CDKN3: variants seen among roughly 807,000 people sequenced by gnomAD.
CDKN3 encodes the protein cyclin dependent kinase inhibitor 3, also known as cyclin-dependent kinase inhibitor 3.
Under a neutral mutation model 36.1 loss-of-function variants are expected in CDKN3, and 19 were observed. The ratio of observed to expected loss-of-function variants is 0.53; its 90% CI spans 0.37 to 0.77. The LOEUF (loss-of-function observed/expected upper bound fraction) is 0.77, where lower values mean the gene tolerates loss of function less well. CDKN3 is among the 30% of genes least tolerant of loss of function. The pLI is 0.00. For synonymous variants in CDKN3, 71 were observed against 85.3 expected, an observed-to-expected ratio of 0.83 and a Z score of 0.92; for missense variants, 188 against 248.6, an observed-to-expected ratio of 0.76 and a Z score of 1.64.
At chr14:54,407,363 C>T (rs2030197279) in intron 3 of CDKN3, among the ~76,000 whole-genome samples, 1 of 152,236 alleles carries the variant, frequency 6.6e-6, no homozygotes, top group Non-Finnish European at 1.5e-5. Context: ...CTTAGCAAAG[C>T]TCGAGCACTG....
intron 3 of CDKN3, among the ~76,000 whole-genome samples, chr14:54,407,304 C>T (rs1049840411): frequency 6.6e-6 from 1 of 152,204 alleles, no homozygotes; most frequent in African/African-American, 2.4e-5. Flanking sequence ...GGTGTCTCCC[C>T]GTTAGGAGGC....
At chr14:54,419,021 G>A (rs1370524893) in intron 7 of CDKN3, among the ~76,000 whole-genome samples, 1 of 152,000 alleles carries the variant, frequency 6.6e-6, no homozygotes, top group Non-Finnish European at 1.5e-5. Flanking sequence ...TAGCCAGGGT[G>A]GTTATGTGTG....
At position 54,397,064 on chromosome 14, in the gene CDKN3, C is replaced by A; in HGVS notation, c.-5C>A. ...GGCACTGGTCTCGACGTGGGGCGGC[C>A]AGCGATGAAGCCGGTGAGTCGGACG... On this transcript the variant is annotated 5_prime_UTR_variant, in exon 1 of 8. Transcript: ENST00000335183. 1 of 1,500,264 alleles carries A rather than the reference C, an allele frequency of 6.7e-7. No individual in the cohort carries two copies. Among genetic ancestry groups the A allele is most frequent in the Admixed American group, 2.2e-5 (1 of 44,578 alleles). 92.9% of individuals were successfully genotyped at this position (1,500,264 alleles called of 1,614,324 possible).
chr14:54,405,077 ACTT>A (rs763637360), intron 3 of CDKN3, among the ~76,000 whole-genome samples: 7 of 152,000 alleles, frequency 4.6e-5, no homozygotes, highest in Non-Finnish European at 8.8e-5. Flanking sequence ...GTTTCAAATA[ACTT>A]CTTTTTTTCT....
intron 3 of CDKN3, among the ~76,000 whole-genome samples, chr14:54,404,663 C>T (rs997810518): frequency 1.3e-5 from 2 of 152,120 alleles, no homozygotes; most frequent in African/African-American, 4.8e-5. Flanking sequence ...CAAGCTCTGC[C>T]TCCCGGGTTC....
chr14:54,413,369 T>C (rs2030424828), intron 5 of CDKN3, among the ~76,000 whole-genome samples: 1 of 151,830 alleles, frequency 6.6e-6, no homozygotes, highest in Non-Finnish European at 1.5e-5. Context: ...TTTTTTTTTT[T>C]CAAATAAATT....
At position 54,408,796 on chromosome 14, in the gene CDKN3, A is replaced by G. The variant is rs2179896; in HGVS notation, c.193+7A>G. ...AATGTCCAAAAAGATACAGGTAGGT[A>G]TAATATCACGCAACCACACTCATGG... On this transcript the variant is annotated splice_region_variant and intron_variant, in intron 4 of 7. Transcript: ENST00000335183. 0.71 allele frequency: 1,111,801 copies of G among 1,568,424 alleles called. 395,314 individuals carry two copies. The highest frequency in any genetic ancestry group is 0.74 in the Middle Eastern group (4,394 of 5,898).
intron 3 of CDKN3, chr14:54,408,460 T>C (rs554010711): frequency 2.9e-5 from 9 of 305,938 alleles, no homozygotes; most frequent in African/African-American, 2.0e-4. Flanking sequence ...ACTTGTACTT[T>C]GCCAATCTTA....
At chr14:54,419,183 C>T (rs1386281212) in intron 7 of CDKN3, among the ~76,000 whole-genome samples, 1 of 151,930 alleles carries the variant, frequency 6.6e-6, no homozygotes, top group African/African-American at 2.4e-5. Flanking sequence ...TCAAATGATG[C>T]TTCAAATCCA....
At chr14:54,408,300 T>C (rs907946827) in intron 3 of CDKN3, among the ~76,000 whole-genome samples, 4 of 152,218 alleles carry the variant, frequency 2.6e-5, no homozygotes, top group African/African-American at 9.7e-5. Context: ...TTTGGTCAAC[T>C]AACACATCAT....
intron 1 of CDKN3, among the ~76,000 whole-genome samples, chr14:54,397,743 C>G (rs1188811413): frequency 6.6e-6 from 1 of 152,212 alleles, no homozygotes; most frequent in African/African-American, 2.4e-5. Flanking sequence ...CCCACCTAAC[C>G]CATATTTCCT....
intron 4 of CDKN3, among the ~76,000 whole-genome samples, chr14:54,409,864 C>G (rs1370077412): frequency 6.6e-6 from 1 of 150,740 alleles, no homozygotes; most frequent in Non-Finnish European, 1.5e-5. Flanking sequence ...TGCACTCCAA[C>G]CTGGTGGCAG....
Position 54,420,039 on chromosome 14 carries a change from A to C in CDKN3, c.600A>C (p.Leu200=). Residue 200 remains leucine (L), a synonymous_variant, in exon 8 of 8, where the codon CTA becomes CTC. Coordinates refer to ENST00000335183, the MANE Select transcript of CDKN3 (RefSeq NM_005192.4). ...HEFRDKLAAH[L]SSRDSQSRSV... is the part of the protein sequence containing the mutation. ...TTCGGGACAAATTAGCTGCACATCT[A>C]TCATCAAGAGATTCACAATCAAGAT... is the stretch of plus-strand genomic sequence containing the variant. 6.2e-7 allele frequency: 1 copy of C among 1,609,338 alleles called. No individual in the cohort carries two copies. Among genetic ancestry groups the C allele is most frequent in the Non-Finnish European group, 8.5e-7 (1 of 1,175,916 alleles).
rs186929815 is a variant in CDKN3, at chr14:54,408,285, A to T, written c.149-460A>T. Among the ~76,000 whole-genome samples, 3 of 152,344 alleles carry T rather than the reference A, an allele frequency of 2.0e-5. No individual in the cohort carries two copies. The East Asian group carries it at 5.8e-4, about 29-fold the overall frequency. ...TCCGTGCCAACAATATATTTAGAAC[A>T]AGTATTTGGTCAACTAACACATCAT... On this transcript the variant is annotated intron_variant, in intron 3 of 7. Transcript: ENST00000335183.
chr14:54,405,199 G>A (rs1594601732), intron 3 of CDKN3, among the ~76,000 whole-genome samples: 1 of 152,184 alleles, frequency 6.6e-6, no homozygotes, highest in East Asian at 1.9e-4. Flanking sequence ...ACTGTGGTCT[G>A]AGGGACTGTT....
rs368122335 is a variant in CDKN3 at position 54,408,806 on chromosome 14, G to A, written c.193+17G>A. The A allele has an allele frequency of 1.4e-4, 218 of 1,548,506 alleles. No homozygotes were observed. Among genetic ancestry groups the A allele is most frequent in the Non-Finnish European group, 1.8e-4 (209 of 1,155,670 alleles). ...AAGATACAGGTAGGTATAATATCACGCAACCACACTCATGGGTTTTTTAAA... is the reference window on the plus strand; with the variant it reads ...AAGATACAGGTAGGTATAATATCACACAACCACACTCATGGGTTTTTTAAA... On this transcript the variant is annotated intron_variant, in intron 4 of 7. Transcript: ENST00000335183.
intron 7 of CDKN3, among the ~76,000 whole-genome samples, chr14:54,418,898 G>C (rs1280708256): frequency 1.3e-5 from 2 of 152,156 alleles, no homozygotes; most frequent in South Asian, 4.1e-4. Flanking sequence ...GGTGGCTCAT[G>C]CCTATATCCT....
At chr14:54,418,067 C>T in intron 7 of CDKN3, 116 bp downstream of exon 7, 2 of 687,346 alleles carry the variant, frequency 2.9e-6, no homozygotes, top group Non-Finnish European at 2.7e-6. Context: ...AAATGAAAAT[C>T]CAAAGCACTC....
chr14:54,398,934 T>A (rs1320354851), intron 1 of CDKN3, among the ~76,000 whole-genome samples: 2 of 151,762 alleles, frequency 1.3e-5, no homozygotes, highest in African/African-American at 4.8e-5. Flanking sequence ...ATATCACAGT[T>A]CCTCAATACA....
Sources: gnomAD v4.1 joint callset for allele counts (sites outside exome capture counted in the v4.1 genomes callset) on GRCh38, gnomAD v4.1.1 for gene constraint, MANE v1.5 for transcripts, NCBI Gene and HGNC (gene_info 2026-07-23, HGNC 2026-07-21) for gene names.